The following CCDC50 variants were observed in gnomAD, a reference collection of about 807,000 sequenced individuals.
CCDC50 encodes the protein coiled-coil domain containing 50.
In CCDC50, 54 loss-of-function variants were observed where a neutral mutation model predicts 70.2. The ratio of observed to expected loss-of-function variants is 0.77; its 90% confidence interval spans 0.62 to 0.96. The LOEUF is 0.96. Among genes scored for constraint, CCDC50 ranks in the 50% least tolerant of loss-of-function variants. The pLI is 0.00. For missense variants in CCDC50, 558 were observed against 578.7 expected (o/e 0.96, Z 0.37); for synonymous variants, 216 against 198.8 (o/e 1.09, Z -0.73).
rs145146937 is a variant in CCDC50, at chr3:191,397,524, A to G, written c.*5764A>G. On this transcript the variant is annotated 3_prime_UTR_variant, in exon 12 of 12. Transcript: ENST00000392455. ...AATGATGCTCCAAAATGAGAATTCT[A>G]TATGGGGCTTTCCCTAAGAAGAATC... 5.3e-5 allele frequency: 8 copies of G among 152,318 alleles called. No homozygotes were observed. The highest frequency in any genetic ancestry group is 3.4e-3 in the Middle Eastern group (1 of 294). 9.4% of individuals were successfully genotyped at this position (152,318 alleles called of 1,614,324 possible). A position where few individuals can be genotyped will look rare whatever the true frequency, so the allele number is the denominator to read the frequency against.
Position 191,380,695 on chromosome 3 carries a change from G to C in CCDC50, c.1101G>C (p.Gln367His). 3 of 1,612,552 alleles carry C rather than the reference G, an allele frequency of 1.9e-6. No individual in the cohort carries two copies. Among genetic ancestry groups the C allele is most frequent in the Non-Finnish European group, 2.5e-6 (3 of 1,179,144 alleles). Residue 367 changes from glutamine to histidine, a missense_variant, in exon 8 of 12, where the codon CAG (glutamine) becomes CAC (histidine). Physicochemically the swap from Gln to His is conservative, Grantham distance 24. Coordinates refer to ENST00000392455, the MANE Select transcript of CCDC50 (RefSeq NM_178335.3). ...KLQEEELLAT[Q>H]VDMRAAQVAQ... ...TATTTTCGATATCATAGGCTACCCA[G>C]GTGGACATGAGAGCCGCTCAAGTAG...
At chr3:191,358,924 A>G (rs992491866) in intron 3 of CCDC50, among the ~76,000 whole-genome samples, 13 of 152,314 alleles carry the variant, frequency 8.5e-5, no homozygotes, top group Non-Finnish European at 1.9e-4. Flanking sequence ...TTGCTAACTT[A>G]TAGGAAGGGT....
intron 1 of CCDC50, 112 bp downstream of exon 1, chr3:191,329,835 C>T (rs1717891436): frequency 9.4e-7 from 1 of 1,065,552 alleles, no homozygotes; most frequent in South Asian, 1.4e-5. Flanking sequence ...CGGTGCCCGC[C>T]CTGCGTTGGC....
At chr3:191,386,753 A>G (rs933600885) in intron 10 of CCDC50, among the ~76,000 whole-genome samples, 3 of 152,216 alleles carry the variant, frequency 2.0e-5, no homozygotes, top group African/African-American at 4.8e-5. Context: ...CAAAATACTT[A>G]GGAATACTTC....
chr3:191,333,884 A>G (rs890821118), intron 1 of CCDC50, among the ~76,000 whole-genome samples: 3 of 152,086 alleles, frequency 2.0e-5, no homozygotes. Context: ...CTAATTTTTT[A>G]TAGGTATGTC....
At chr3:191,329,793 G>A in intron 1 of CCDC50, 70 bp downstream of exon 1, 1 of 1,532,382 alleles carries the variant, frequency 6.5e-7, no homozygotes, top group Non-Finnish European at 8.9e-7. Context: ...CAGGTCAGGG[G>A]CGTTGCCATT....
At position 191,398,639 on chromosome 3, in the gene CCDC50, CAATA is replaced by C. The variant is rs1713938485; in HGVS notation, c.*6884_*6887del. On this transcript the variant is annotated 3_prime_UTR_variant, in exon 12 of 12. Coordinates refer to ENST00000392455, the MANE Select transcript of CCDC50 (RefSeq NM_178335.3). The stretch of plus-strand genomic sequence containing the variant: ...ATGATGCCTGGTGTATTGAAATCCT[CAATA>C]AATACTGCCAAGTGTGGATCAGTTG... 2 of 152,076 alleles carry C rather than the reference CAATA, an allele frequency of 1.3e-5. No individual in the cohort carries two copies. Among genetic ancestry groups the C allele is most frequent in the Admixed American group, 6.6e-5 (1 of 15,266 alleles). 9.4% of individuals were successfully genotyped at this position (152,076 alleles called of 1,614,324 possible). A position where few individuals can be genotyped will look rare whatever the true frequency, so the allele number is the denominator to read the frequency against.
intron 10 of CCDC50, among the ~76,000 whole-genome samples, chr3:191,388,790 A>G (rs572668275): frequency 2.0e-5 from 3 of 152,196 alleles, no homozygotes; most frequent in Non-Finnish European, 4.4e-5. Flanking sequence ...ATCTGGTGCT[A>G]TCCTTTAGTG....
intron 4 of CCDC50, among the ~76,000 whole-genome samples, chr3:191,367,018 G>A (rs1011465830): frequency 3.3e-5 from 5 of 152,016 alleles, no homozygotes; most frequent in African/African-American, 9.7e-5. Flanking sequence ...GGAGGAGAAC[G>A]GACTTGTGCT....
At chr3:191,370,882 C>T (rs1712889540) in intron 5 of CCDC50, among the ~76,000 whole-genome samples, 1 of 152,112 alleles carries the variant, frequency 6.6e-6, no homozygotes, top group South Asian at 2.1e-4. Context: ...TCTTTTTAAA[C>T]TTTAGCGACT....
At chr3:191,339,848 T>G (rs2108634165) in intron 1 of CCDC50, among the ~76,000 whole-genome samples, 1 of 152,312 alleles carries the variant, frequency 6.6e-6, no homozygotes, top group Non-Finnish European at 1.5e-5. Context: ...GGCACCAGGT[T>G]GAACAAAAGG....
intron 11 of CCDC50, 42 bp downstream of exon 11, chr3:191,389,644 T>C (rs758103313): frequency 2.1e-6 from 3 of 1,428,212 alleles, no homozygotes; most frequent in Non-Finnish European, 3.0e-6. Context: ...TCTTCTTTTT[T>C]TATATAAGCC....
In CCDC50 at chr3:191,395,012, A is replaced by G. The variant is rs977216204; in HGVS notation, c.*3252A>G. The G allele has an allele frequency of 2.0e-5, 3 of 152,166 alleles. No homozygotes were observed. Among genetic ancestry groups the G allele is most frequent in the African/African-American group, 7.2e-5 (3 of 41,448 alleles). 9.4% of individuals were successfully genotyped at this position (152,166 alleles called of 1,614,324 possible). ...ATGAAAATTAACCCTAGGTGTTCTG[A>G]TGATAGAGAAATAGCTAAATTAGAA... is the stretch of plus-strand genomic sequence containing the variant. On this transcript the variant is annotated 3_prime_UTR_variant, in exon 12 of 12. Coordinates refer to ENST00000392455, the MANE Select transcript of CCDC50 (RefSeq NM_178335.3).
At position 191,395,269 on chromosome 3, in the gene CCDC50, T is replaced by C. The variant is rs560734797; in HGVS notation, c.*3509T>C. 2.0e-5 allele frequency: 3 copies of C among 152,186 alleles called. No homozygotes were observed. The highest frequency in any genetic ancestry group is 4.4e-5 in the Non-Finnish European group (3 of 68,012). The allele number at this position is 152,186 out of a possible 1,614,324, so 9.4% of individuals were successfully genotyped here. ...TTGCTGACTGTTGCTCATCACTTTC[T>C]CTCAAAGTTAGAACTTTTCAGTATA... On this transcript the variant is annotated 3_prime_UTR_variant, in exon 12 of 12. Transcript: ENST00000392455.
At position 191,358,081 on chromosome 3, in the gene CCDC50, G is replaced by T. The variant is rs768357717; in HGVS notation, c.196G>T (p.Asp66Tyr). 6.2e-7 allele frequency: 1 copy of T among 1,614,004 alleles called. No individual in the cohort carries two copies. Among genetic ancestry groups the T allele is most frequent in the South Asian group, 1.1e-5 (1 of 91,078 alleles). ...LQVAKQLQEE[D>Y]LKAQAQLQKR... Reference sequence around the variant, plus strand: ...GGTGGCTAAGCAGCTCCAAGAGGAAGATCTGAAAGCGCAGGCCCAGCTCCA... The same window carrying T: ...GGTGGCTAAGCAGCTCCAAGAGGAATATCTGAAAGCGCAGGCCCAGCTCCA... The change falls in exon 3 of 12, where the codon GAT (aspartate) becomes TAT (tyrosine). Residue 66 changes from aspartate to tyrosine, a missense_variant. Coordinates refer to ENST00000392455, the MANE Select transcript of CCDC50 (RefSeq NM_178335.3).
At chr3:191,388,930 T>A (rs937563049) in intron 10 of CCDC50, among the ~76,000 whole-genome samples, 1 of 151,950 alleles carries the variant, frequency 6.6e-6, no homozygotes, top group African/African-American at 2.4e-5. Context: ...ATCTTTTTTT[T>A]TTTTTTTACA....
rs1419093707 is a variant in CCDC50 at position 191,333,111 on chromosome 3, T to TCTGTTG, written c.49+3388_49+3389insCTGTTG. Among the ~76,000 whole-genome samples, 80 of 152,204 alleles carry TCTGTTG rather than the reference T, an allele frequency of 5.3e-4. 1 individual carries two copies. The highest frequency in any genetic ancestry group is 9.1e-4 in the Non-Finnish European group (62 of 68,014). On this transcript the variant is annotated intron_variant, in intron 1 of 11. Transcript: ENST00000392455. ...TGTCTCAAAGTTGGTGAATTCTGTG[T>TCTGTTG]GTGTTGGTGTGCATGTGTGTGCTTA...
chr3:191,365,828 C>T (rs1712668003), intron 4 of CCDC50, among the ~76,000 whole-genome samples: 1 of 152,114 alleles, frequency 6.6e-6, no homozygotes. Context: ...TATGATATAA[C>T]CCTCCATCCC....
intron 11 of CCDC50, among the ~76,000 whole-genome samples, chr3:191,390,374 A>C (rs1270321280): frequency 6.6e-6 from 1 of 152,284 alleles, no homozygotes; most frequent in Non-Finnish European, 1.5e-5. Context: ...ATTTGTTTCC[A>C]GAAAAGGGTC....
Sources: gnomAD v4.1 joint callset for allele counts (sites outside exome capture counted in the v4.1 genomes callset) on GRCh38, gnomAD v4.1.1 for gene constraint, MANE v1.5 for transcripts, NCBI Gene and HGNC (gene_info 2026-07-23, HGNC 2026-07-21) for gene names.